The following NFATC3 variants were observed in gnomAD, a reference collection of about 807,000 sequenced individuals.
NFATC3 encodes the protein nuclear factor of activated T cells 3.
NFATC3 carries 46 observed loss-of-function variants against 98.6 expected under a neutral mutation model. The observed-to-expected ratio is 0.47, with a 90% CI of 0.37 to 0.60. NFATC3 has a LOEUF of 0.60. NFATC3 is among the 20% of genes least tolerant of loss of function. The pLI, the probability that NFATC3 is intolerant of heterozygous loss-of-function variation, is 0.00. For synonymous variants in NFATC3, 512 were observed against 472.2 expected (o/e 1.08, Z -1.09); for missense variants, 1,256 against 1,295.5 (o/e 0.97, Z 0.47).
chr16:68,139,161 A>G (rs140867413), intron 3 of NFATC3, among the ~76,000 whole-genome samples: 45 of 152,316 alleles, frequency 3.0e-4, no homozygotes, highest in African/African-American at 9.6e-4. Context: ...AGTAAGTGCT[A>G]TATTGGAAAT....
At chr16:68,183,103 T>G (rs1423602790) in intron 7 of NFATC3, 137 bp from the exon 8 acceptor site, 10 of 786,928 alleles carry the variant, frequency 1.3e-5, no homozygotes, top group Non-Finnish European at 1.9e-5. Context: ...AATCTCCAGA[T>G]GATGTATATG....
intron 3 of NFATC3, among the ~76,000 whole-genome samples, chr16:68,149,032 T>C (rs1023048813): frequency 6.6e-6 from 1 of 152,108 alleles, no homozygotes; most frequent in Admixed American, 6.6e-5. Context: ...TAAAAAGGAC[T>C]TAAATTTCCC....
chr16:68,088,868 C>T (rs912668013), intron 1 of NFATC3: 5 of 454,048 alleles, frequency 1.1e-5, no homozygotes, highest in Non-Finnish European at 1.4e-5. Flanking sequence ...ATGGAAGTCT[C>T]ACTATGTTGC....
chr16:68,085,762 GC>G lies in NFATC3; in HGVS notation c.86del (p.Pro29ArgfsTer21). ...GCGAGGACGGGGCGCCGGCGCCGCC[GC>G]CCCCGGGCTCGCGGCCTGCAGGTGG... ...FGEDGAPAPP[P>X]PGSRPADLEP... On this transcript the variant is annotated frameshift_variant, in exon 1 of 10. Transcript: ENST00000346183. LOFTEE classifies it high-confidence loss of function. 9 of 1,498,008 alleles carry G rather than the reference GC, an allele frequency of 6.0e-6. No homozygotes were observed. The Admixed American group carries it at 9.2e-5, about 15-fold the overall frequency. 92.8% of individuals were successfully genotyped at this position (1,498,008 alleles called of 1,614,324 possible).
In NFATC3 at chr16:68,228,956, C is replaced by A. The variant is rs1186719514; in HGVS notation, c.*2485C>A. 1 of 152,210 alleles carries A rather than the reference C, an allele frequency of 6.6e-6. No individual in the cohort carries two copies. Among genetic ancestry groups the A allele is most frequent in the Non-Finnish European group, 1.5e-5 (1 of 68,048 alleles). The allele number at this position is 152,210 out of a possible 1,614,324, so 9.4% of individuals were successfully genotyped here. A position where few individuals can be genotyped will look rare whatever the true frequency, so the allele number is the denominator to read the frequency against. ...TAAACTATCCCCACCCAGGGCCAGC[C>A]ATTATCACCAGACCTCTTCTGGGCC... On this transcript the variant is annotated 3_prime_UTR_variant, in exon 10 of 10. Transcript: ENST00000346183.
At chr16:68,087,510 C>T (rs1406295548) in intron 1 of NFATC3, among the ~76,000 whole-genome samples, 1 of 152,062 alleles carries the variant, frequency 6.6e-6, no homozygotes, top group Non-Finnish European at 1.5e-5. Flanking sequence ...ATAAAGTCCA[C>T]TTTAAAATAT....
chr16:68,170,386 C>CAAA (rs112305272), intron 5 of NFATC3, among the ~76,000 whole-genome samples: 18 of 81,030 alleles, frequency 2.2e-4, no homozygotes, highest in Non-Finnish European at 4.0e-4. Flanking sequence ...GATTCTGTCT[C>CAAA]AAAAAAAAAA....
chr16:68,130,882 CAT>C (rs769143275), intron 3 of NFATC3, among the ~76,000 whole-genome samples: 2 of 152,096 alleles, frequency 1.3e-5, no homozygotes, highest in Non-Finnish European at 2.9e-5. Context: ...GTGTTCCCAG[CAT>C]AGTTATTGAA....
At chr16:68,212,223 A>G (rs542829105) in intron 9 of NFATC3, among the ~76,000 whole-genome samples, 1 of 152,350 alleles carries the variant, frequency 6.6e-6, no homozygotes. Flanking sequence ...CTCAAATAAT[A>G]AACAAGCTTA....
intron 9 of NFATC3, chr16:68,192,186 C>G (rs1448412470): frequency 1.7e-5 from 2 of 117,170 alleles, no homozygotes; most frequent in Admixed American, 2.3e-4. Flanking sequence ...CCAGCCTGGG[C>G]GGCAGAGCAA....
At position 68,192,230 on chromosome 16, in the gene NFATC3, A is replaced by AAAAAATAT. The variant is rs1555522047; in HGVS notation, c.3106+456_3106+457insAAAATATA. ...CTCGGGAAAAAAAAAAAAAAAAAAA[A>AAAAAATAT]ATATATATATATATATATATATATG... is the stretch of plus-strand genomic sequence containing the variant. On this transcript the variant is annotated intron_variant, in intron 9 of 9. Coordinates refer to ENST00000346183, the MANE Select transcript of NFATC3 (RefSeq NM_173165.3). 17 of 82,582 alleles carry AAAAAATAT rather than the reference A, an allele frequency of 2.1e-4. 1 individual carries two copies. The highest frequency in any genetic ancestry group is 8.6e-4 in the African/African-American group (15 of 17,442). 5.1% of individuals were successfully genotyped at this position (82,582 alleles called of 1,614,324 possible).
intron 1 of NFATC3, among the ~76,000 whole-genome samples, chr16:68,114,904 T>G (rs893566269): frequency 2.6e-5 from 4 of 152,122 alleles, no homozygotes; most frequent in Non-Finnish European, 4.4e-5. Flanking sequence ...ATCGTTTGTT[T>G]TATTTTGTAA....
intron 4 of NFATC3, among the ~76,000 whole-genome samples, chr16:68,159,247 C>A (rs1020662869): frequency 1.3e-4 from 20 of 151,942 alleles, no homozygotes; most frequent in Admixed American, 4.6e-4. Flanking sequence ...AAACAAAAAA[C>A]AAACAAAGCA....
intron 5 of NFATC3, 127 bp from the exon 6 acceptor site, chr16:68,174,247 G>C (rs1440748028): frequency 3.2e-6 from 2 of 626,676 alleles, no homozygotes; most frequent in Non-Finnish European, 4.9e-6. Context: ...AATTTTAAAA[G>C]CCTAAATGAA....
intron 9 of NFATC3, among the ~76,000 whole-genome samples, chr16:68,221,031 G>A (rs2041845991): frequency 6.6e-6 from 1 of 152,174 alleles, no homozygotes; most frequent in Non-Finnish European, 1.5e-5. Context: ...ACAGGCATGA[G>A]CCATGGCACC....
chr16:68,101,044 G>A (rs899217249), intron 1 of NFATC3, among the ~76,000 whole-genome samples: 1 of 151,932 alleles, frequency 6.6e-6, no homozygotes, highest in African/African-American at 2.4e-5. Flanking sequence ...GATGAAGTTT[G>A]CCTTACCAAT....
chr16:68,187,558 G>A (rs1208683649), intron 8 of NFATC3, among the ~76,000 whole-genome samples: 5 of 152,006 alleles, frequency 3.3e-5, no homozygotes, highest in Admixed American at 2.0e-4. Context: ...CAGCCAGGGT[G>A]TCCCAAGTGT....
At chr16:68,104,172 C>T (rs894830068) in intron 1 of NFATC3, among the ~76,000 whole-genome samples, 4 of 152,148 alleles carry the variant, frequency 2.6e-5, no homozygotes, top group Non-Finnish European at 2.9e-5. Context: ...CACAAGAAGT[C>T]TTACCACTTA....
At chr16:68,120,397 G>A (rs1276950790) in intron 1 of NFATC3, among the ~76,000 whole-genome samples, 1 of 151,548 alleles carries the variant, frequency 6.6e-6, no homozygotes, top group Non-Finnish European at 1.5e-5. Flanking sequence ...GGACAACATG[G>A]CAAAACCCTG....
Sources: gnomAD v4.1 joint callset for allele counts (sites outside exome capture counted in the v4.1 genomes callset) on GRCh38, gnomAD v4.1.1 for gene constraint, MANE v1.5 for transcripts, NCBI Gene and HGNC (gene_info 2026-07-23, HGNC 2026-07-21) for gene names.